The following MSRA variants were observed in gnomAD, a reference collection of about 807,000 sequenced individuals.
MSRA encodes the protein mitochondrial peptide methionine sulfoxide reductase.
MSRA carries 54 observed loss-of-function variants against 31.3 expected under a neutral mutation model. The ratio of observed to expected loss-of-function variants is 1.73; its 90% CI spans 1.39 to 2.17. The LOEUF is 2.17. Ranked by LOEUF, MSRA falls within the 30% of genes most tolerant of loss-of-function variation. The pLI, the probability that MSRA is intolerant of heterozygous loss-of-function variation, is 0.00. For missense variants in MSRA, 507 were observed against 300.9 expected (o/e 1.69, Z -5.07); for synonymous variants, 169 against 116.5 (o/e 1.45, Z -2.90).
intron 1 of MSRA, among the ~76,000 whole-genome samples, chr8:10,154,400 C>A (rs190219750): frequency 2.6e-5 from 4 of 151,674 alleles, no homozygotes; most frequent in African/African-American, 4.8e-5. Flanking sequence ...TTTTTTGAGA[C>A]TGAGTCTTGC....
intron 5 of MSRA, chr8:10,337,044 A>C (rs1472092312): frequency 6.6e-6 from 1 of 152,252 alleles, no homozygotes; most frequent in African/African-American, 2.4e-5. Flanking sequence ...CAGCTAATCC[A>C]TGCCTTGTAA....
At chr8:10,299,091 G>A (rs1198770699) in intron 3 of MSRA, among the ~76,000 whole-genome samples, 2 of 152,122 alleles carry the variant, frequency 1.3e-5, no homozygotes, top group Admixed American at 1.3e-4. Context: ...TATGATAAGA[G>A]ATAATATGTT....
intron 5 of MSRA, among the ~76,000 whole-genome samples, chr8:10,389,606 C>A (rs1317648231): frequency 6.6e-6 from 1 of 152,168 alleles, no homozygotes; most frequent in African/African-American, 2.4e-5. Flanking sequence ...TCTCTTCTGC[C>A]CACCCACCGG....
At chr8:10,418,753 T>C (rs1369759544) in intron 5 of MSRA, among the ~76,000 whole-genome samples, 3 of 142,550 alleles carry the variant, frequency 2.1e-5, no homozygotes, top group African/African-American at 8.0e-5. Flanking sequence ...TGAAGGTACT[T>C]AACTGTACAC....
At chr8:10,354,393 G>A (rs2129160896) in intron 5 of MSRA, among the ~76,000 whole-genome samples, 1 of 152,348 alleles carries the variant, frequency 6.6e-6, no homozygotes, top group Non-Finnish European at 1.5e-5. Context: ...GAGTAAGCGA[G>A]AGAATCAGGT....
chr8:10,062,148 T>G (rs1797230359), intron 1 of MSRA, among the ~76,000 whole-genome samples: 1 of 152,130 alleles, frequency 6.6e-6, no homozygotes. Context: ...TTGCTAAGCT[T>G]GGTCTGGCTC....
chr8:10,333,208 T>G (rs897874042), intron 5 of MSRA, among the ~76,000 whole-genome samples: 3 of 152,340 alleles, frequency 2.0e-5, no homozygotes, highest in Middle Eastern at 6.8e-3. Flanking sequence ...TACTCATCTT[T>G]CAGTGGCAAC....
At chr8:10,352,390 C>T (rs997427139) in intron 5 of MSRA, among the ~76,000 whole-genome samples, 15 of 152,110 alleles carry the variant, frequency 9.9e-5, no homozygotes, top group Non-Finnish European at 5.9e-5. Context: ...AAGAGTTCTC[C>T]ACTGTGCTTT....
At chr8:10,412,775 T>G (rs1808234056) in intron 5 of MSRA, among the ~76,000 whole-genome samples, 2 of 152,332 alleles carry the variant, frequency 1.3e-5, no homozygotes, top group South Asian at 4.1e-4. Context: ...GTGATGCTAC[T>G]CTACAGCAGT....
chr8:10,198,388 A>G (rs1407940123), intron 1 of MSRA, among the ~76,000 whole-genome samples: 1 of 152,142 alleles, frequency 6.6e-6, no homozygotes, highest in East Asian at 1.9e-4. Flanking sequence ...GATGCCAGGA[A>G]AAAAGTACTC....
At chr8:10,061,472 T>A (rs1324993502) in intron 1 of MSRA, among the ~76,000 whole-genome samples, 1 of 152,210 alleles carries the variant, frequency 6.6e-6, no homozygotes, top group African/African-American at 2.4e-5. Flanking sequence ...TACTACTTTA[T>A]GAATCCTTTC....
chr8:10,090,874 T>C (rs1487528700), intron 1 of MSRA, among the ~76,000 whole-genome samples: 1 of 152,244 alleles, frequency 6.6e-6, no homozygotes, highest in African/African-American at 2.4e-5. Flanking sequence ...GCTTCCTTCC[T>C]TTGTATTGCT....
At chr8:10,143,433 A>G (rs752605464) in intron 1 of MSRA, among the ~76,000 whole-genome samples, 1 of 152,168 alleles carries the variant, frequency 6.6e-6, no homozygotes, top group African/African-American at 2.4e-5. Flanking sequence ...CCCCGTTACT[A>G]TGGTAACCTG....
intron 5 of MSRA, among the ~76,000 whole-genome samples, chr8:10,356,492 G>A (rs1482146830): frequency 3.3e-5 from 5 of 152,198 alleles, no homozygotes; most frequent in East Asian, 1.9e-4. Flanking sequence ...ATTTCTTTAC[G>A]GATTTGTCAC....
chr8:10,372,407 C>T (rs571003665), intron 5 of MSRA, among the ~76,000 whole-genome samples: 1 of 152,198 alleles, frequency 6.6e-6, no homozygotes, highest in Non-Finnish European at 1.5e-5. Context: ...AAGCGTATTG[C>T]AGTTATAAAA....
At chr8:10,253,453 G>A (rs78601231) in intron 3 of MSRA, among the ~76,000 whole-genome samples, 2,733 of 152,306 alleles carry the variant, frequency 0.018, 35 homozygotes, top group Non-Finnish European at 0.027. Context: ...AGTTAAATGT[G>A]TCAATATTTC....
chr8:10,119,700 G>T (rs182166238), intron 1 of MSRA, among the ~76,000 whole-genome samples: 2 of 152,212 alleles, frequency 1.3e-5, no homozygotes, highest in Admixed American at 1.3e-4. Flanking sequence ...AGTGAAGACA[G>T]TCGTAAGGGA....
intron 2 of MSRA, among the ~76,000 whole-genome samples, chr8:10,212,261 A>C (rs1213420909): frequency 6.6e-6 from 1 of 152,190 alleles, no homozygotes; most frequent in Non-Finnish European, 1.5e-5. Flanking sequence ...TTCGAGAGTA[A>C]AAAGAGTGCT....
At chr8:10,130,774 T>C (rs886939907) in intron 1 of MSRA, among the ~76,000 whole-genome samples, 6 of 152,106 alleles carry the variant, frequency 3.9e-5, no homozygotes, top group African/African-American at 1.4e-4. Context: ...CTAAGATGTA[T>C]TTTGCAGTGG....
Sources: allele counts gnomAD v4.1 joint callset (sites outside exome capture counted in the v4.1 genomes callset), GRCh38; gene constraint gnomAD v4.1.1; transcripts MANE v1.5; gene names NCBI Gene and HGNC (gene_info 2026-07-23, HGNC 2026-07-21).